The following APRT variants were observed in gnomAD, a reference collection of about 807,000 sequenced individuals.
APRT encodes adenine phosphoribosyltransferase, also known as AMP diphosphorylase.
A neutral mutation model predicts 21.0 loss-of-function variants in APRT; 25 were observed. That is an observed-to-expected ratio of 1.19 (90% CI 0.87 to 1.66). The LOEUF is 1.66. Ranked by LOEUF, APRT falls within the 40% of genes most tolerant of loss-of-function variation. APRT has a pLI of 0.00. For missense variants in APRT, 294 were observed against 232.7 expected (o/e 1.26, Z -1.72); for synonymous variants, 153 against 109.0 (o/e 1.40, Z -2.52).
rs1400284623 is a variant in APRT at position 88,809,395 on chromosome 16, C to T, written c.*303G>A. ...TGGGCATCACGCCAAGCAGCACATG[C>T]CCACAGTACAGCTGAAGTCTGGTGT... On this transcript the variant is annotated 3_prime_UTR_variant, in exon 5 of 5. Coordinates refer to ENST00000378364, the MANE Select transcript of APRT (RefSeq NM_000485.3). 2 of 533,434 alleles carry T rather than the reference C, an allele frequency of 3.7e-6. No homozygotes were observed. Among genetic ancestry groups the T allele is most frequent in the Non-Finnish European group, 3.6e-6 (1 of 277,930 alleles). 33.0% of individuals were successfully genotyped at this position (533,434 alleles called of 1,614,324 possible).
chr16:88,810,094 C>G lies in APRT; in HGVS notation c.376G>C (p.Val126Leu), dbSNP rs75205792. The change falls in exon 4 of 5, where the codon GTG (valine) becomes CTG (leucine). Residue 126 changes from valine to leucine, a missense_variant. Val to Leu is a conservative substitution (Grantham distance 32). Coordinates refer to ENST00000378364, the MANE Select transcript of APRT (RefSeq NM_000485.3). ...ALEPGQRVVV[V>L]DDLLATGGTM... ...CCACCAGTGGCCAGCAGATCATCCA[C>G]GACGACCACCCTCTGTCCTGGCTCC... 1 of 1,613,288 alleles carries G rather than the reference C, an allele frequency of 6.2e-7. No individual in the cohort carries two copies. Among genetic ancestry groups the G allele is most frequent in the South Asian group, 1.1e-5 (1 of 91,082 alleles).
At position 88,811,672 on chromosome 16, in the gene APRT, G is replaced by A. The variant is rs867552349; in HGVS notation, c.81-16C>T. ...CGAGATGTCCCTGGACCCAAGGACA[G>A]GCCTGGTGACGCCGGGGCCGAAGGA... On this transcript the variant is annotated splice_polypyrimidine_tract_variant and intron_variant, in intron 1 of 4. Transcript: ENST00000378364. 21 of 1,562,788 alleles carry A rather than the reference G, an allele frequency of 1.3e-5. No individual in the cohort carries two copies. The Middle Eastern group carries it at 5.3e-4, about 40-fold the overall frequency.
chr16:88,811,350 C>T (rs935015173), intron 2 of APRT, 200 bp downstream of exon 2: 23 of 608,894 alleles, frequency 3.8e-5, no homozygotes, highest in Non-Finnish European at 5.7e-5. Context: ...CCGGAACCTG[C>T]GGGAAGGACG....
rs756583568 is a variant in APRT, at chr16:88,809,434, C to T, written c.*264G>A. 1.7e-6 allele frequency: 1 copy of T among 603,300 alleles called. No homozygotes were observed. Among genetic ancestry groups the T allele is most frequent in the South Asian group, 1.5e-5 (1 of 65,934 alleles). The allele number at this position is 603,300 out of a possible 1,614,324, so 37.4% of individuals were successfully genotyped here. A position where few individuals can be genotyped will look rare whatever the true frequency, so the allele number is the denominator to read the frequency against. On this transcript the variant is annotated 3_prime_UTR_variant, in exon 5 of 5. Coordinates refer to ENST00000378364, the MANE Select transcript of APRT (RefSeq NM_000485.3). ...GAAGTCTGGTGTTGTCCTGGGGCTC[C>T]CTGCCCTGGGGAACAGGAGGACAGG...
intron 3 of APRT, 84 bp from the exon 4 acceptor site, chr16:88,810,232 C>G: frequency 1.3e-6 from 2 of 1,537,278 alleles, no homozygotes; most frequent in Non-Finnish European, 1.8e-6. Context: ...ACCCTAGACC[C>G]TGACTCCAAC....
chr16:88,809,493 T>C lies in APRT; in HGVS notation c.*205A>G. The stretch of plus-strand genomic sequence containing the variant: ...CTTGTGGGAAAGCTGTTTACTGCGT[T>C]CTCCCGCTGTGTGTAATTGGGTTCA... On this transcript the variant is annotated 3_prime_UTR_variant, in exon 5 of 5. Coordinates refer to ENST00000378364, the MANE Select transcript of APRT (RefSeq NM_000485.3). 1.2e-6 allele frequency: 1 copy of C among 807,034 alleles called. No homozygotes were observed. Among genetic ancestry groups the C allele is most frequent in the Non-Finnish European group, 2.1e-6 (1 of 485,306 alleles). The allele number at this position is 807,034 out of a possible 1,614,324, so 50.0% of individuals were successfully genotyped here.
At position 88,810,212 on chromosome 16, in the gene APRT, G is replaced by C. The variant is rs8191492; in HGVS notation, c.322-64C>G. 14,585 of 1,567,986 alleles carry C rather than the reference G, an allele frequency of 9.3e-3. 1,145 individuals carry two copies. In the African/African-American group the frequency reaches 0.17, roughly 19 times the overall value. ...AGAAAACAGCTTTGTTGCACAGCTT[G>C]GCAGCTGCCACCCTAGACCCTGACT... On this transcript the variant is annotated intron_variant, in intron 3 of 4. Transcript: ENST00000378364.
rs1355550315 is a variant in APRT at position 88,809,464 on chromosome 16, G to T, written c.*234C>A. On this transcript the variant is annotated 3_prime_UTR_variant, in exon 5 of 5. Transcript: ENST00000378364. ...CCTGGGGAACAGGAGGACAGGAGACGGCTCTTGTGGGAAAGCTGTTTACTG... is the reference window on the plus strand; with the variant it reads ...CCTGGGGAACAGGAGGACAGGAGACTGCTCTTGTGGGAAAGCTGTTTACTG... 1.9e-5 allele frequency: 13 copies of T among 676,602 alleles called. No individual in the cohort carries two copies. The highest frequency in any genetic ancestry group is 3.2e-5 in the Non-Finnish European group (12 of 378,268). The allele number at this position is 676,602 out of a possible 1,614,324, so 41.9% of individuals were successfully genotyped here.
chr16:88,809,954 G>A, intron 4 of APRT, 114 bp from the exon 5 acceptor site: 1 of 1,568,688 alleles, frequency 6.4e-7, no homozygotes. Flanking sequence ...TGTCGGCCTG[G>A]CCACCAGGCA....
At chr16:88,811,506 G>C in intron 2 of APRT, 44 bp downstream of exon 2, 1 of 1,527,950 alleles carries the variant, frequency 6.5e-7, no homozygotes, top group Non-Finnish European at 8.8e-7. Flanking sequence ...CCCTCGGCGC[G>C]CGCAGAGGCG....
chr16:88,809,943 G>C (rs1264740383), intron 4 of APRT, 103 bp from the exon 5 acceptor site: 8 of 1,573,924 alleles, frequency 5.1e-6, no homozygotes, highest in Middle Eastern at 1.9e-4. Context: ...GGAGAGGAAG[G>C]TGTCGGCCTG....
Position 88,809,556 on chromosome 16 carries a change from C to G in APRT, c.*142G>C. The G allele has an allele frequency of 7.3e-7, 1 of 1,367,794 alleles. No homozygotes were observed. The highest frequency in any genetic ancestry group is 2.4e-5 in the East Asian group (1 of 42,514). The allele number at this position is 1,367,794 out of a possible 1,614,324, so 84.7% of individuals were successfully genotyped here. ...CACAGCTTTGCCCCAGGCTTTGGCA[C>G]TTCCAGCCCCAGGAGAGGCGCTGAA... On this transcript the variant is annotated 3_prime_UTR_variant, in exon 5 of 5. Coordinates refer to ENST00000378364, the MANE Select transcript of APRT (RefSeq NM_000485.3).
chr16:88,811,235 G>A, intron 2 of APRT: 1 of 490,020 alleles, frequency 2.0e-6, no homozygotes. Flanking sequence ...CCAGCTCGCA[G>A]AAGGAACAAG....
intron 2 of APRT, chr16:88,811,126 C>A: frequency 2.7e-6 from 1 of 372,788 alleles, no homozygotes; most frequent in Non-Finnish European, 4.9e-6. Context: ...CCCTGGGCCA[C>A]CTCTTGGGCT....
At position 88,809,441 on chromosome 16, in the gene APRT, T is replaced by A; in HGVS notation, c.*257A>T. The A allele has an allele frequency of 1.6e-6, 1 of 618,048 alleles. No individual in the cohort carries two copies. Among genetic ancestry groups the A allele is most frequent in the Non-Finnish European group, 3.0e-6 (1 of 335,236 alleles). 38.3% of individuals were successfully genotyped at this position (618,048 alleles called of 1,614,324 possible). A position where few individuals can be genotyped will look rare whatever the true frequency, so the allele number is the denominator to read the frequency against. On this transcript the variant is annotated 3_prime_UTR_variant, in exon 5 of 5. Transcript: ENST00000378364. ...GGTGTTGTCCTGGGGCTCCCTGCCC[T>A]GGGGAACAGGAGGACAGGAGACGGC...
At chr16:88,811,389 C>G in intron 2 of APRT, 161 bp downstream of exon 2, 2 of 756,152 alleles carry the variant, frequency 2.6e-6, no homozygotes, top group Non-Finnish European at 4.2e-6. Flanking sequence ...CTCGGGGGCT[C>G]AATCTCACAA....
rs777282632 is a variant in APRT at position 88,811,798 on chromosome 16, C to T, written c.80+22G>A. 4 of 1,544,954 alleles carry T rather than the reference C, an allele frequency of 2.6e-6. No individual in the cohort carries two copies. In the South Asian group the frequency reaches 4.8e-5, roughly 18 times the overall value. On this transcript the variant is annotated intron_variant, in intron 1 of 4. Coordinates refer to ENST00000378364, the MANE Select transcript of APRT (RefSeq NM_000485.3). ...CGTAGGCCCGCAGGTCGGGGCGCCA[C>T]GAGGGCGGCCTGTGCGTGCACCTGA...
At chr16:88,811,169 G>A (rs1909120740) in intron 2 of APRT, 1 of 433,344 alleles carries the variant, frequency 2.3e-6, no homozygotes. Context: ...CCTTCCCTGG[G>A]TGGGCATTCC....
rs281860266 is a variant in APRT at position 88,809,793 on chromosome 16, C to T, written c.448G>A (p.Val150Ile). Residue 150 changes from valine to isoleucine, a missense_variant, in exon 5 of 5, where the codon GTC becomes ATC. Coordinates refer to ENST00000378364, the MANE Select transcript of APRT (RefSeq NM_000485.3). Reference protein sequence around the residue: ...CELLGRLQAEVLECVSLVELT... With the variant: ...CELLGRLQAEILECVSLVELT... ...TCCACCAGGCTCACGCACTCCAGGA[C>T]CTCAGCCTGCAGGCGGCCCAGCAGC... 6.2e-7 allele frequency: 1 copy of T among 1,613,052 alleles called. No individual in the cohort carries two copies. The highest frequency in any genetic ancestry group is 1.3e-5 in the African/African-American group (1 of 74,922).
Sources: allele counts gnomAD v4.1 joint callset, GRCh38; gene constraint gnomAD v4.1.1; transcripts MANE v1.5; gene names NCBI Gene and HGNC (gene_info 2026-07-23, HGNC 2026-07-21).